The following SPAG17 variants were observed in gnomAD, a reference collection of about 807,000 sequenced individuals.
SPAG17 encodes sperm associated antigen 17, also known as sperm-associated antigen 17.
Under a neutral mutation model 273.6 loss-of-function variants are expected in SPAG17, and 169 were observed. The observed-to-expected ratio is 0.62, with a 90% CI of 0.55 to 0.70. SPAG17 has a LOEUF of 0.70. Ranked by LOEUF, SPAG17 falls within the 30% of genes least tolerant of loss-of-function variation. The pLI is 0.00. For missense variants in SPAG17, 2,557 were observed against 2,627.8 expected, an observed-to-expected ratio of 0.97 and a Z score of 0.59; for synonymous variants, 825 against 873.2, an observed-to-expected ratio of 0.94 and a Z score of 0.97.
intron 28 of SPAG17, among the ~76,000 whole-genome samples, chr1:118,021,440 G>A (rs1353646738): frequency 1.3e-5 from 2 of 152,054 alleles, no homozygotes; most frequent in East Asian, 3.9e-4. Flanking sequence ...AATAAGAAGG[G>A]TGAATAGGTG....
intron 18 of SPAG17, among the ~76,000 whole-genome samples, chr1:118,065,490 T>C (rs1652856811): frequency 6.6e-6 from 1 of 152,174 alleles, no homozygotes; most frequent in East Asian, 1.9e-4. Context: ...TAAAACCAAA[T>C]AGGAATATTT....
At chr1:118,123,650 A>G (rs1381700017) in intron 3 of SPAG17, among the ~76,000 whole-genome samples, 1 of 152,200 alleles carries the variant, frequency 6.6e-6, no homozygotes, top group East Asian at 1.9e-4. Context: ...TTAAACTGGT[A>G]TCCATCTCTC....
intron 3 of SPAG17, among the ~76,000 whole-genome samples, chr1:118,117,023 C>G (rs537048618): frequency 2.8e-4 from 43 of 152,314 alleles, no homozygotes; most frequent in African/African-American, 1.0e-3. Flanking sequence ...CAGGCGTTTA[C>G]TGTAAAGTGA....
intron 26 of SPAG17, among the ~76,000 whole-genome samples, chr1:118,027,883 C>T (rs1314015272): frequency 6.6e-6 from 1 of 152,136 alleles, no homozygotes; most frequent in Non-Finnish European, 1.5e-5. Flanking sequence ...CAACATGCTG[C>T]ACCCATGACC....
chr1:118,087,374 T>C (rs1429988396), intron 10 of SPAG17, among the ~76,000 whole-genome samples: 1 of 152,186 alleles, frequency 6.6e-6, no homozygotes, highest in East Asian at 1.9e-4. Flanking sequence ...TAACTTTGGA[T>C]TCATTAAATA....
chr1:118,047,839 G>A (rs1224364276), intron 20 of SPAG17, among the ~76,000 whole-genome samples: 1 of 151,752 alleles, frequency 6.6e-6, no homozygotes, highest in Non-Finnish European at 1.5e-5. Context: ...TGTGGACACA[G>A]ACTCCACAGT....
intron 15 of SPAG17, among the ~76,000 whole-genome samples, chr1:118,080,566 A>G (rs751019189): frequency 4.6e-5 from 7 of 152,234 alleles, no homozygotes; most frequent in Non-Finnish European, 8.8e-5. Flanking sequence ...AAATAGCTAT[A>G]TTTTACACAG....
At chr1:118,012,120 C>T in intron 30 of SPAG17, 108 bp downstream of exon 30, 1 of 1,152,590 alleles carries the variant, frequency 8.7e-7, no homozygotes, top group Non-Finnish European at 1.2e-6. Context: ...CTAACTTTAC[C>T]AAAAAATTAT....
intron 3 of SPAG17, among the ~76,000 whole-genome samples, chr1:118,131,711 C>G (rs758105590): frequency 2.0e-5 from 3 of 152,092 alleles, no homozygotes; most frequent in Non-Finnish European, 4.4e-5. Flanking sequence ...TGTGAGTCCC[C>G]CATGCTTGGA....
intron 3 of SPAG17, among the ~76,000 whole-genome samples, chr1:118,121,523 A>G (rs561219498): frequency 6.6e-6 from 1 of 152,064 alleles, no homozygotes; most frequent in Admixed American, 6.5e-5. Context: ...GTGATATTAG[A>G]TTCTCATAGG....
At chr1:118,001,953 G>T (rs1433756661) in intron 32 of SPAG17, among the ~76,000 whole-genome samples, 1 of 152,052 alleles carries the variant, frequency 6.6e-6, no homozygotes, top group Non-Finnish European at 1.5e-5. Context: ...TTCTCTCATG[G>T]GCATTTAGTG....
intron 5 of SPAG17, 69 bp from the exon 6 acceptor site, chr1:118,099,869 A>T: frequency 1.5e-6 from 2 of 1,356,046 alleles, no homozygotes; most frequent in Non-Finnish European, 2.1e-6. Context: ...CAGCCAGTTC[A>T]ATGGCTATAT....
At chr1:118,102,943 A>T (rs1558015098) in intron 4 of SPAG17, among the ~76,000 whole-genome samples, 2 of 152,184 alleles carry the variant, frequency 1.3e-5, no homozygotes, top group Non-Finnish European at 2.9e-5. Flanking sequence ...TCTAGCACCT[A>T]TGGCTCTAGT....
In SPAG17 at chr1:118,085,982, G is replaced by T. The variant is rs757401201; in HGVS notation, c.1702C>A (p.Pro568Thr). The T allele has an allele frequency of 1.1e-5, 18 of 1,613,788 alleles. No homozygotes were observed. In the South Asian group the frequency reaches 1.8e-4, roughly 16 times the overall value. ...GCTAGACGTTTAGTGTTGTTCCATG[G>T]TGGGGGTAGAGGGAATTGAAGAAAT... ...WEFLQFPLPP[P>T]WNNTKRLATI... Residue 568 changes from proline to threonine, a missense_variant, in exon 13 of 49, where the codon CCA becomes ACA. By Grantham distance (38) the Pro-to-Thr change is conservative. Transcript: ENST00000336338.
Position 117,966,718 on chromosome 1 carries a change from C to T in SPAG17, c.6423G>A (p.Glu2141=), listed in dbSNP as rs1653896825. ...CCTCTCCAACAGCTGTGGCAAATAA[C>T]TCTATATTCAGTTCTGTCTGCATAC... ...AAGMQTELNI[E]LFATAVGEDG... is the part of the protein sequence containing the mutation. Residue 2141 remains glutamate (E), a synonymous_variant, in exon 47 of 49, where the codon GAG becomes GAA. Coordinates refer to ENST00000336338, the MANE Select transcript of SPAG17 (RefSeq NM_206996.4). 2.5e-6 allele frequency: 4 copies of T among 1,613,588 alleles called. No homozygotes were observed. The highest frequency in any genetic ancestry group is 2.2e-5 in the East Asian group (1 of 44,854).
Position 118,016,069 on chromosome 1 carries a change from T to C in SPAG17, c.4183A>G (p.Thr1395Ala), listed in dbSNP as rs1308039833. ...PVEVHIGTWF[T>A]TTPEGNRIGT... ...ATCCGATTTCCTTCAGGTGTGGTTG[T>C]AAACCAGGTGCCTATGTGAACCTCC... Residue 1395 changes from threonine to alanine, a missense_variant, in exon 29 of 49, where the codon ACA (threonine) becomes GCA (alanine). Coordinates refer to ENST00000336338, the MANE Select transcript of SPAG17 (RefSeq NM_206996.4). 3 of 1,614,080 alleles carry C rather than the reference T, an allele frequency of 1.9e-6. No individual in the cohort carries two copies. Among genetic ancestry groups the C allele is most frequent in the Non-Finnish European group, 1.7e-6 (2 of 1,179,962 alleles).
intron 18 of SPAG17, among the ~76,000 whole-genome samples, chr1:118,061,727 T>A (rs765221378): frequency 2.6e-5 from 4 of 152,234 alleles, no homozygotes; most frequent in African/African-American, 9.6e-5. Context: ...TTCATGCATA[T>A]GTTCAACCTC....
chr1:117,974,571 T>C (rs534707388), intron 43 of SPAG17, among the ~76,000 whole-genome samples: 1 of 152,266 alleles, frequency 6.6e-6, no homozygotes, highest in African/African-American at 2.4e-5. Context: ...TACTACTATA[T>C]TCATAGTTTT....
intron 18 of SPAG17, among the ~76,000 whole-genome samples, chr1:118,058,393 A>G (rs958117069): frequency 4.6e-5 from 7 of 152,102 alleles, no homozygotes. Flanking sequence ...TTTTTTGTAG[A>G]GACAGGTTTT....
Sources: allele counts gnomAD v4.1 joint callset (sites outside exome capture counted in the v4.1 genomes callset), GRCh38; gene constraint gnomAD v4.1.1; transcripts MANE v1.5; gene names NCBI Gene and HGNC (gene_info 2026-07-23, HGNC 2026-07-21).